The following SLC10A6 variants were observed in gnomAD, a reference collection of about 807,000 sequenced individuals.
The protein encoded by SLC10A6 is solute carrier family 10 member 6.
In SLC10A6, 27 loss-of-function variants were observed where a neutral mutation model predicts 30.0. The ratio of observed to expected loss-of-function variants is 0.90; its 90% confidence interval spans 0.66 to 1.24. The LOEUF (loss-of-function observed/expected upper bound fraction) is 1.24. Among genes scored for constraint, SLC10A6 ranks in the 50% most tolerant of loss-of-function variants. The pLI is 0.00. For missense variants in SLC10A6, 439 were observed against 457.0 expected (o/e 0.96, Z 0.36); for synonymous variants, 166 against 173.8 (o/e 0.95, Z 0.36).
chr4:86,838,903 A>T (rs1746246051), intron 1 of SLC10A6, among the ~76,000 whole-genome samples: 1 of 132,598 alleles, frequency 7.5e-6, no homozygotes, highest in Non-Finnish European at 1.6e-5. Flanking sequence ...AGCCTGGGTG[A>T]CAGTGTCTCA....
chr4:86,839,457 T>C (rs913658120), intron 1 of SLC10A6, among the ~76,000 whole-genome samples: 1 of 151,926 alleles, frequency 6.6e-6, no homozygotes, highest in Non-Finnish European at 1.5e-5. Context: ...TCTCTAAAAA[T>C]AAAAAAAGGA....
intron 1 of SLC10A6, among the ~76,000 whole-genome samples, chr4:86,843,531 A>C (rs1746343629): frequency 6.6e-6 from 1 of 152,174 alleles, no homozygotes. Flanking sequence ...ATTTAACCTC[A>C]GATCCACTCC....
In SLC10A6 at chr4:86,837,290, AAAGGAAGGAAGG is replaced by A. The variant is rs70953609; in HGVS notation, c.378-3878_378-3867del. Among the ~76,000 whole-genome samples the A allele has an allele frequency of 9.3e-3, 586 of 62,754 alleles. 22 individuals carry two copies. The highest frequency in any genetic ancestry group is 0.013 in the African/African-American group (241 of 18,356). The allele number at this position is 62,754 out of a possible 152,430, so 41.2% of individuals were successfully genotyped here. ...AAGAAAGAAAGAAAGAAAGAAAAAGAAAGGAAGGAAGGAAGGAAGGAAGGAAGGAAGGAAGGA... is the reference window on the plus strand; with the variant it reads ...AAGAAAGAAAGAAAGAAAGAAAAAGAAAGGAAGGAAGGAAGGAAGGAAGGA... On this transcript the variant is annotated intron_variant, in intron 1 of 5. Transcript: ENST00000273905.
At chr4:86,836,534 G>A (rs1288048851) in intron 1 of SLC10A6, among the ~76,000 whole-genome samples, 3 of 152,140 alleles carry the variant, frequency 2.0e-5, no homozygotes, top group Non-Finnish European at 2.9e-5. Flanking sequence ...CACGTGAGGA[G>A]CAAGAAGGAC....
At chr4:86,826,115 G>A (rs1745995716) in intron 4 of SLC10A6, among the ~76,000 whole-genome samples, 2 of 152,158 alleles carry the variant, frequency 1.3e-5, no homozygotes, top group Non-Finnish European at 2.9e-5. Context: ...AGGACATGGT[G>A]GCTCATGCCT....
Position 86,849,069 on chromosome 4 carries a change from GA to G in SLC10A6, c.46del (p.Ser16GlnfsTer25). Reference protein sequence around the residue: ...SSSSACPANSSEEELPVGLEV... With the variant: ...SSSSACPANSXEEELPVGLEV... ...CAGTCCCACTGGCAGCTCCTCCTCT[GA>G]ACTGTTGGCAGGGCAGGCTGAGCTG... is the stretch of plus-strand genomic sequence containing the variant. On this transcript the variant is annotated frameshift_variant, in exon 1 of 6. Coordinates refer to ENST00000273905, the MANE Select transcript of SLC10A6 (RefSeq NM_197965.3). LOFTEE classifies it high-confidence loss of function. The G allele has an allele frequency of 6.2e-7, 1 of 1,614,132 alleles. No individual in the cohort carries two copies. Among genetic ancestry groups the G allele is most frequent in the African/African-American group, 1.3e-5 (1 of 75,038 alleles).
intron 3 of SLC10A6, among the ~76,000 whole-genome samples, chr4:86,830,416 T>A (rs1001086612): frequency 1.3e-5 from 2 of 152,036 alleles, no homozygotes; most frequent in East Asian, 1.9e-4. Context: ...AATTAATTTT[T>A]AAAAATAAAT....
At chr4:86,837,343 A>AAGGAAGGCAGGCAGGCAGGC (rs58692864) in intron 1 of SLC10A6, among the ~76,000 whole-genome samples, 65 of 102,978 alleles carry the variant, frequency 6.3e-4, no homozygotes, top group African/African-American at 2.1e-3. Context: ...GGAAGGAAGG[A>AAGGAAGGCAGGCAGGCAGGC]AGGCAGGCAG....
In SLC10A6 at chr4:86,825,440, T is replaced by C. The variant is rs1307950297; in HGVS notation, c.899A>G (p.Asp300Gly). The C allele has an allele frequency of 3.1e-6, 5 of 1,600,142 alleles. No individual in the cohort carries two copies. The highest frequency in any genetic ancestry group is 1.7e-5 in the Admixed American group (1 of 59,852). ...CCCACCTGCAACAATAAGAAATCCA[T>C]CTATCAGCTGGAAGAGTCCATAGGC... ...PLAYGLFQLIDGFLIVAAYQT... is the reference protein window; with the variant it reads ...PLAYGLFQLIGGFLIVAAYQT... The change falls in exon 5 of 6, where the codon GAT becomes GGT. Residue 300 changes from aspartate (D) to glycine (G), a missense_variant. Coordinates refer to ENST00000273905, the MANE Select transcript of SLC10A6 (RefSeq NM_197965.3).
intron 1 of SLC10A6, among the ~76,000 whole-genome samples, chr4:86,842,815 T>C (rs1168748148): frequency 5.6e-5 from 2 of 35,412 alleles, no homozygotes; most frequent in African/African-American, 1.4e-4. Context: ...TCTTTCTTTC[T>C]TTCTTTCTTT....
chr4:86,824,983 A>C (rs1745954487), intron 5 of SLC10A6, among the ~76,000 whole-genome samples: 1 of 152,246 alleles, frequency 6.6e-6, no homozygotes, highest in African/African-American at 2.4e-5. Flanking sequence ...AAAACATTTC[A>C]CAGCCATTCA....
chr4:86,843,025 C>G (rs1229387207), intron 1 of SLC10A6, among the ~76,000 whole-genome samples: 1 of 151,796 alleles, frequency 6.6e-6, no homozygotes, highest in Non-Finnish European at 1.5e-5. Context: ...GCATGCATCA[C>G]CACACCTGGC....
Position 86,831,792 on chromosome 4 carries a change from C to G in SLC10A6, c.585G>C (p.Lys195Asn), listed in dbSNP as rs778513592. ...CAACAGTGGCCATGAAGTCACTCAC[C>G]TTGAGAATGATTTTGGATTGTTTTG... ...RWPKQSKIIL[K>N]IGAVVGGVLL... The change falls in exon 3 of 6, where the codon AAG becomes AAC. Residue 195 changes from lysine (K) to asparagine (N), a missense_variant and splice_region_variant. Coordinates refer to ENST00000273905, the MANE Select transcript of SLC10A6 (RefSeq NM_197965.3). 2 of 1,611,796 alleles carry G rather than the reference C, an allele frequency of 1.2e-6. No homozygotes were observed. Among genetic ancestry groups the G allele is most frequent in the Admixed American group, 3.3e-5 (2 of 59,944 alleles).
Position 86,825,408 on chromosome 4 carries a change from G to A in SLC10A6, c.919+12C>T, listed in dbSNP as rs752134422. 8.2e-6 allele frequency: 13 copies of A among 1,582,442 alleles called. No homozygotes were observed. In the South Asian group the frequency reaches 1.5e-4, roughly 18 times the overall value. On this transcript the variant is annotated intron_variant, in intron 5 of 5. Coordinates refer to ENST00000273905, the MANE Select transcript of SLC10A6 (RefSeq NM_197965.3). ...CCGTCAGTTATTTCCTACCCAATGG[G>A]TGTTCACCCACCTGCAACAATAAGA...
At chr4:86,823,949 T>G in intron 5 of SLC10A6, 47 bp from the exon 6 acceptor site, 12 of 1,525,164 alleles carry the variant, frequency 7.9e-6, no homozygotes, top group Non-Finnish European at 1.1e-5. Context: ...TAACAAAGAG[T>G]CTAATTTGGT....
chr4:86,826,546 C>CAATAAATAAATA lies in SLC10A6; in HGVS notation c.762-981_762-970dup, dbSNP rs71598412. Reference sequence around the variant, plus strand: ...CACTCCAGCCTGGGCAACGAGGTCTCAATAAATAAATAAATAAATAAATAA... The same window carrying CAATAAATAAATA: ...CACTCCAGCCTGGGCAACGAGGTCTCAATAAATAAATAAATAAATAAATAAATAAATAAATAA... On this transcript the variant is annotated intron_variant, in intron 4 of 5. Transcript: ENST00000273905. 4.0e-3 allele frequency among the ~76,000 whole-genome samples: 603 copies of CAATAAATAAATA among 149,796 alleles called. 3 individuals are homozygous for CAATAAATAAATA. Among genetic ancestry groups the CAATAAATAAATA allele is most frequent in the Non-Finnish European group, 5.5e-3 (371 of 67,554 alleles).
chr4:86,824,553 T>C (rs1745943191), intron 5 of SLC10A6, among the ~76,000 whole-genome samples: 1 of 151,704 alleles, frequency 6.6e-6, no homozygotes, highest in Non-Finnish European at 1.5e-5. Context: ...GATTAAAATA[T>C]ATATGTGTAT....
At chr4:86,837,225 G>GAGGA (rs1746201979) in intron 1 of SLC10A6, among the ~76,000 whole-genome samples, 2 of 39,120 alleles carry the variant, frequency 5.1e-5, no homozygotes, top group Non-Finnish European at 9.3e-5. Flanking sequence ...GAGAGAGAGA[G>GAGGA]AGAAAGAAAG....
intron 1 of SLC10A6, among the ~76,000 whole-genome samples, chr4:86,835,960 G>T (rs887597639): frequency 1.3e-5 from 2 of 152,162 alleles, no homozygotes; most frequent in Non-Finnish European, 2.9e-5. Flanking sequence ...AACCTGGAAA[G>T]ATTTCTAAAG....
Sources: allele counts gnomAD v4.1 joint callset (sites outside exome capture counted in the v4.1 genomes callset), GRCh38; gene constraint gnomAD v4.1.1; transcripts MANE v1.5; gene names NCBI Gene and HGNC (gene_info 2026-07-23, HGNC 2026-07-21).